The following MSH3 variants were observed in gnomAD, a reference collection of about 807,000 sequenced individuals.
MSH3 encodes mutS homolog 3.
In MSH3, 106 loss-of-function variants were observed where a neutral mutation model predicts 123.3. The ratio of observed to expected loss-of-function variants is 0.86; its 90% confidence interval spans 0.73 to 1.01. The LOEUF (loss-of-function observed/expected upper bound fraction) is 1.01, where lower values mean the gene tolerates loss of function less well. MSH3 is among the 50% of genes least tolerant of loss of function. The pLI, the probability that MSH3 is intolerant of heterozygous loss-of-function variation, is 0.00. For synonymous variants in MSH3, 515 were observed against 481.4 expected (o/e 1.07, Z -0.91); for missense variants, 1,459 against 1,347.6 (o/e 1.08, Z -1.29).
chr5:80,865,855 G>A (rs1746089369), intron 22 of MSH3, among the ~76,000 whole-genome samples: 1 of 152,054 alleles, frequency 6.6e-6, no homozygotes, highest in South Asian at 2.1e-4. Flanking sequence ...CAAAGCACTG[G>A]GCCTAAGATA....
At chr5:80,813,881 C>A in intron 20 of MSH3, 140 bp downstream of exon 20, 1 of 969,258 alleles carries the variant, frequency 1.0e-6, no homozygotes. Flanking sequence ...TATTTCAAGG[C>A]CGGGCACGGT....
intron 17 of MSH3, among the ~76,000 whole-genome samples, chr5:80,783,364 A>G (rs1296018634): frequency 6.6e-6 from 1 of 152,192 alleles, no homozygotes; most frequent in Non-Finnish European, 1.5e-5. Context: ...CATTTTTCTA[A>G]GTATGGATAA....
At chr5:80,686,497 A>G (rs1200639860) in intron 8 of MSH3, among the ~76,000 whole-genome samples, 1 of 151,824 alleles carries the variant, frequency 6.6e-6, no homozygotes, top group Non-Finnish European at 1.5e-5. Context: ...TAGAGACAGG[A>G]TACGGGGTTT....
chr5:80,743,961 A>G (rs185415719), intron 11 of MSH3, among the ~76,000 whole-genome samples: 92 of 152,142 alleles, frequency 6.0e-4, no homozygotes, highest in African/African-American at 2.2e-3. Flanking sequence ...AAAATTAATT[A>G]TGTCTAGTTA....
At chr5:80,848,576 A>G (rs1304971258) in intron 20 of MSH3, among the ~76,000 whole-genome samples, 5 of 152,222 alleles carry the variant, frequency 3.3e-5, no homozygotes, top group Non-Finnish European at 7.3e-5. Flanking sequence ...GCAGAAGGCA[A>G]GGGAGAGCAA....
intron 23 of MSH3, 25 bp from the exon 24 acceptor site, chr5:80,875,726 T>C: frequency 7.6e-7 from 1 of 1,311,176 alleles, no homozygotes; most frequent in African/African-American, 1.5e-5. Flanking sequence ...ATTTATTAAA[T>C]AAGTAGTATT....
At chr5:80,779,550 AT>A (rs750366394) in intron 17 of MSH3, among the ~76,000 whole-genome samples, 2,640 of 138,164 alleles carry the variant, frequency 0.019, 32 homozygotes, top group African/African-American at 0.056. Flanking sequence ...ATTAACATTA[AT>A]TTTTTTTTTT....
chr5:80,859,826 C>A (rs1745986016), intron 21 of MSH3, among the ~76,000 whole-genome samples: 1 of 151,610 alleles, frequency 6.6e-6, no homozygotes, highest in Non-Finnish European at 1.5e-5. Flanking sequence ...GACCTTCCCA[C>A]CTCAGCCTCC....
chr5:80,697,415 A>G (rs746602592), intron 8 of MSH3, among the ~76,000 whole-genome samples: 15 of 152,262 alleles, frequency 9.9e-5, no homozygotes, highest in East Asian at 3.8e-4. Context: ...TACTTAAGGT[A>G]TATTAAAAAC....
At chr5:80,838,744 AT>A (rs1262007037) in intron 20 of MSH3, among the ~76,000 whole-genome samples, 1 of 152,158 alleles carries the variant, frequency 6.6e-6, no homozygotes, top group Non-Finnish European at 1.5e-5. Context: ...TAGAAAAGTT[AT>A]CCGACTTGCC....
intron 2 of MSH3, among the ~76,000 whole-genome samples, chr5:80,657,413 C>T (rs1414821477): frequency 6.6e-6 from 1 of 152,126 alleles, no homozygotes; most frequent in African/African-American, 2.4e-5. Flanking sequence ...TGCACTCCAC[C>T]CTGGGCAACA....
At chr5:80,810,405 C>A (rs1181688913) in intron 19 of MSH3, among the ~76,000 whole-genome samples, 4 of 151,928 alleles carry the variant, frequency 2.6e-5, no homozygotes, top group African/African-American at 9.7e-5. Context: ...CAGTTTTATA[C>A]ATGCCTTTTT....
intron 6 of MSH3, among the ~76,000 whole-genome samples, chr5:80,674,230 G>C (rs1176813370): frequency 1.3e-5 from 2 of 152,128 alleles, no homozygotes; most frequent in African/African-American, 4.8e-5. Flanking sequence ...CCTATGTCCT[G>C]ATGTCCAAAG....
intron 20 of MSH3, among the ~76,000 whole-genome samples, chr5:80,832,814 C>G (rs1745442978): frequency 6.6e-6 from 1 of 151,950 alleles, no homozygotes; most frequent in African/African-American, 2.4e-5. Context: ...ATTGCCTCTA[C>G]TTAACAATTT....
chr5:80,725,217 A>G lies in MSH3; in HGVS notation c.1341-236A>G, dbSNP rs1404334238. Among the ~76,000 whole-genome samples, 13 of 98,352 alleles carry G rather than the reference A, an allele frequency of 1.3e-4. No homozygotes were observed. In the East Asian group the frequency reaches 2.1e-3, roughly 16 times the overall value. The allele number at this position is 98,352 out of a possible 152,430, so 64.5% of individuals were successfully genotyped here. On this transcript the variant is annotated intron_variant, in intron 8 of 23. Coordinates refer to ENST00000265081, the MANE Select transcript of MSH3 (RefSeq NM_002439.5). ...GCAACAGAGCGAGACTCCATCTCAA[A>G]AAAAAAAAAAAAAAAAGATAATAAA...
intron 15 of MSH3, among the ~76,000 whole-genome samples, chr5:80,774,494 G>A (rs1342580825): frequency 6.6e-6 from 1 of 151,942 alleles, no homozygotes; most frequent in African/African-American, 2.4e-5. Context: ...AGTATATTAA[G>A]GAGATATCTG....
At chr5:80,691,987 A>ATGTTTAGATAGATAAACAG (rs1561444459) in intron 8 of MSH3, among the ~76,000 whole-genome samples, 1 of 77,652 alleles carries the variant, frequency 1.3e-5, no homozygotes, top group African/African-American at 5.0e-5. Context: ...ATAAACATGT[A>ATGTTTAGATAGATAAACAG]TATGTTTAGA....
Position 80,725,464 on chromosome 5 carries a change from A to G in MSH3, c.1352A>G (p.Asp451Gly), listed in dbSNP as rs1743268905. 1 of 1,613,244 alleles carries G rather than the reference A, an allele frequency of 6.2e-7. No homozygotes were observed. The highest frequency in any genetic ancestry group is 8.5e-7 in the Non-Finnish European group (1 of 1,179,400). The change falls in exon 9 of 24, where the codon GAC becomes GGC. Residue 451 changes from aspartate (D) to glycine (G), a missense_variant. By Grantham distance (94) the Asp-to-Gly change is moderately conservative (BLOSUM62 -1). Transcript: ENST00000265081. ...HRATSVSVQD[D>G]RIRVERMDNI... ...CTTTTTTCTTTCAGTGTGCAGGATG[A>G]CAGAATTCGAGTCGAAAGGATGGAT...
chr5:80,834,637 AAAAAT>A (rs1377132562), intron 20 of MSH3, among the ~76,000 whole-genome samples: 1 of 72,464 alleles, frequency 1.4e-5, no homozygotes, highest in Non-Finnish European at 3.1e-5. Context: ...AATACTTAAT[AAAAAT>A]AAATACTTAA....
Sources: gnomAD v4.1 joint callset for allele counts (sites outside exome capture counted in the v4.1 genomes callset) on GRCh38, gnomAD v4.1.1 for gene constraint, MANE v1.5 for transcripts, NCBI Gene and HGNC (gene_info 2026-07-23, HGNC 2026-07-21) for gene names.